Variants in NPR3 observed in about 807,000 individuals in gnomAD.
NPR3 encodes the protein atrial natriuretic peptide receptor 3.
A neutral mutation model predicts 54.5 loss-of-function variants in NPR3; 34 were observed. The ratio of observed to expected loss-of-function variants is 0.62; its 90% CI spans 0.47 to 0.83. NPR3 has a LOEUF of 0.83. NPR3 is among the 40% of genes least tolerant of loss of function. NPR3 has a pLI of 0.00. For synonymous variants in NPR3, 289 were observed against 297.1 expected (o/e 0.97, Z 0.28); for missense variants, 674 against 720.8 (o/e 0.94, Z 0.74).
At chr5:32,694,882 G>C (rs573807000) in intron 1 of NPR3, among the ~76,000 whole-genome samples, 1 of 149,162 alleles carries the variant, frequency 6.7e-6, no homozygotes, top group Admixed American at 6.8e-5. Context: ...TCTGGTAATC[G>C]TCATTCTATT....
intron 3 of NPR3, among the ~76,000 whole-genome samples, chr5:32,755,124 T>C (rs1332222689): frequency 6.6e-6 from 1 of 152,236 alleles, no homozygotes; most frequent in African/African-American, 2.4e-5. Context: ...CCTCCCAAAG[T>C]GCCGGGATTA....
intron 3 of NPR3, among the ~76,000 whole-genome samples, chr5:32,772,586 G>A (rs1323262381): frequency 1.3e-5 from 2 of 152,192 alleles, no homozygotes; most frequent in African/African-American, 4.8e-5. Flanking sequence ...CTCTCCTACT[G>A]AGTGTAAAAT....
chr5:32,733,006 G>T lies in NPR3; in HGVS notation c.893-5858G>T, dbSNP rs1161673289. Reference sequence around the variant, plus strand: ...ATTACAGGCATGTGCCACCACGCCGGCTTAATTTTTGTATTTTTAGTAGAG... The same window carrying T: ...ATTACAGGCATGTGCCACCACGCCGTCTTAATTTTTGTATTTTTAGTAGAG... On this transcript the variant is annotated intron_variant, in intron 2 of 7. Transcript: ENST00000265074. Among the ~76,000 whole-genome samples the T allele has an allele frequency of 3.3e-5, 5 of 151,964 alleles. No homozygotes were observed. The East Asian group carries it at 5.8e-4, about 18-fold the overall frequency.
At chr5:32,733,059 G>T (rs1210218323) in intron 2 of NPR3, among the ~76,000 whole-genome samples, 2 of 152,054 alleles carry the variant, frequency 1.3e-5, no homozygotes, top group African/African-American at 4.8e-5. Context: ...TGGCTAGGCT[G>T]GTCTCGAACT....
intron 1 of NPR3, among the ~76,000 whole-genome samples, chr5:32,702,875 C>T (rs1737864271): frequency 6.6e-6 from 1 of 152,160 alleles, no homozygotes; most frequent in South Asian, 2.1e-4. Context: ...TACAGTCCCA[C>T]CAACAATGTA....
intron 4 of NPR3, 64 bp downstream of exon 4, chr5:32,774,907 T>A (rs773602913): frequency 1.5e-6 from 2 of 1,326,154 alleles, no homozygotes; most frequent in South Asian, 1.2e-5. Context: ...TCTGGTTCTG[T>A]ATTTCTCAGT....
At chr5:32,779,518 CT>C (rs1377345806) in intron 4 of NPR3, among the ~76,000 whole-genome samples, 9 of 152,358 alleles carry the variant, frequency 5.9e-5, no homozygotes, top group Non-Finnish European at 8.8e-5. Flanking sequence ...CACTGACTCC[CT>C]TTGTCCACAT....
intron 3 of NPR3, among the ~76,000 whole-genome samples, chr5:32,744,147 C>T (rs987637400): frequency 2.0e-5 from 3 of 152,076 alleles, no homozygotes; most frequent in African/African-American, 7.2e-5. Context: ...CACGTGCCGC[C>T]ACGCCTGGCT....
At chr5:32,742,937 T>C (rs1694807256) in intron 3 of NPR3, among the ~76,000 whole-genome samples, 1 of 152,224 alleles carries the variant, frequency 6.6e-6, no homozygotes, top group Non-Finnish European at 1.5e-5. Flanking sequence ...ATTTCTTATA[T>C]GTTAGTATTG....
chr5:32,744,020 G>A (rs920542936), intron 3 of NPR3, among the ~76,000 whole-genome samples: 9 of 125,252 alleles, frequency 7.2e-5, no homozygotes, highest in Non-Finnish European at 1.1e-4. Context: ...TTGAGACAGA[G>A]TCTTGCTCTG....
chr5:32,771,966 A>G (rs1196079452), intron 3 of NPR3, among the ~76,000 whole-genome samples: 1 of 152,190 alleles, frequency 6.6e-6, no homozygotes, highest in Non-Finnish European at 1.5e-5. Context: ...CTTAAAAAAA[A>G]AAAGTGAACT....
intron 2 of NPR3, among the ~76,000 whole-genome samples, chr5:32,729,712 C>G (rs1327641732): frequency 6.6e-6 from 1 of 152,062 alleles, no homozygotes; most frequent in East Asian, 1.9e-4. Context: ...ATTTGGGTAT[C>G]TAAACATAGA....
At position 32,790,024 on chromosome 5, in the gene NPR3, A is replaced by T. The variant is rs991421256; in HGVS notation, c.*3679A>T. The T allele has an allele frequency of 2.5e-5, 6 of 235,916 alleles. No homozygotes were observed. Among genetic ancestry groups the T allele is most frequent in the African/African-American group, 1.1e-4 (5 of 44,106 alleles). 14.6% of individuals were successfully genotyped at this position (235,916 alleles called of 1,614,324 possible). On this transcript the variant is annotated 3_prime_UTR_variant, in exon 8 of 8. Transcript: ENST00000265074. ...AGGCCCCTCGACCTACAGACATTTC[A>T]TGGGTTTTATTTAATCACACCCCAT... is the stretch of plus-strand genomic sequence containing the variant.
Position 32,785,749 on chromosome 5 carries a change from G to A in NPR3, c.1515-485G>A, listed in dbSNP as rs115848751. Among the ~76,000 whole-genome samples the A allele has an allele frequency of 8.6e-3, 1,314 of 152,264 alleles. 15 individuals carry two copies. Among genetic ancestry groups the A allele is most frequent in the African/African-American group, 0.03 (1,253 of 41,544 alleles). ...GCACTGGTACTGATTGTTCTGCCCCGTGAGGGTGGCCCATTCCTTTGTAAT... is the reference window on the plus strand; with the variant it reads ...GCACTGGTACTGATTGTTCTGCCCCATGAGGGTGGCCCATTCCTTTGTAAT... On this transcript the variant is annotated intron_variant, in intron 7 of 7. Coordinates refer to ENST00000265074, the MANE Select transcript of NPR3 (RefSeq NM_001204375.2).
chr5:32,774,973 C>T, intron 4 of NPR3, 130 bp downstream of exon 4: 1 of 714,864 alleles, frequency 1.4e-6, no homozygotes, highest in Non-Finnish European at 2.5e-6. Context: ...AGCAGCCCAT[C>T]TCATAGGCTT....
chr5:32,710,731 G>C (rs1461409152), upstream of NPR3: 2 of 1,547,350 alleles, frequency 1.3e-6, no homozygotes, highest in Non-Finnish European at 1.7e-6. Context: ...AGGAAGGTCA[G>C]GTGCTCGCCC....
At chr5:32,721,893 C>T (rs1404352997) in intron 1 of NPR3, among the ~76,000 whole-genome samples, 1 of 152,200 alleles carries the variant, frequency 6.6e-6, no homozygotes, top group African/African-American at 2.4e-5. Context: ...CTATGAAAGG[C>T]ATCACATGGT....
chr5:32,727,162 T>C (rs1739180394), intron 2 of NPR3, among the ~76,000 whole-genome samples: 1 of 152,268 alleles, frequency 6.6e-6, no homozygotes, highest in Non-Finnish European at 1.5e-5. Context: ...GATCTCACCC[T>C]GTTGCCCAGG....
At chr5:32,774,598 C>A in intron 3 of NPR3, 110 bp from the exon 4 acceptor site, 1 of 800,004 alleles carries the variant, frequency 1.2e-6, no homozygotes, top group South Asian at 1.5e-5. Context: ...CCACCTCTGC[C>A]ATGGCTAACA....
Sources: gnomAD v4.1 joint callset for allele counts (sites outside exome capture counted in the v4.1 genomes callset) on GRCh38, gnomAD v4.1.1 for gene constraint, MANE v1.5 for transcripts, NCBI Gene and HGNC (gene_info 2026-07-23, HGNC 2026-07-21) for gene names.